DPYD: variants seen among roughly 807,000 people sequenced by gnomAD.
DPYD encodes dihydropyrimidine dehydrogenase [NADP(+)].
DPYD carries 109 observed loss-of-function variants against 116.2 expected under a neutral mutation model. The ratio of observed to expected loss-of-function variants is 0.94; its 90% CI spans 0.80 to 1.10. The LOEUF (loss-of-function observed/expected upper bound fraction) is 1.10, where lower values mean the gene tolerates loss of function less well. Ranked by LOEUF, DPYD falls within the 50% of genes least tolerant of loss-of-function variation. The pLI is 0.00. For synonymous variants in DPYD, 440 were observed against 432.0 expected (o/e 1.02, Z -0.23); for missense variants, 1,302 against 1,254.5 (o/e 1.04, Z -0.57).
At chr1:97,882,108 G>C (rs968789313) in intron 2 of DPYD, among the ~76,000 whole-genome samples, 7 of 151,848 alleles carry the variant, frequency 4.6e-5, no homozygotes, top group East Asian at 3.9e-4. Flanking sequence ...GTCATGGCTT[G>C]TAAGTGGCCT....
intron 4 of DPYD, among the ~76,000 whole-genome samples, chr1:97,724,356 G>A (rs1282764425): frequency 8.7e-6 from 1 of 114,530 alleles, no homozygotes; most frequent in African/African-American, 3.3e-5. Context: ...GTGTGTGTGT[G>A]TGTGTGTGTA....
intron 3 of DPYD, among the ~76,000 whole-genome samples, chr1:97,796,556 A>G (rs1667579930): frequency 6.6e-6 from 1 of 152,098 alleles, no homozygotes; most frequent in Non-Finnish European, 1.5e-5. Context: ...CTTAATGCCA[A>G]TATAAAAAAT....
intron 8 of DPYD, among the ~76,000 whole-genome samples, chr1:97,669,303 T>C (rs1042070848): frequency 2.6e-5 from 4 of 152,082 alleles, no homozygotes; most frequent in African/African-American, 9.7e-5. Context: ...ATTTTAAGAG[T>C]TTATGTTTCT....
intron 12 of DPYD, among the ~76,000 whole-genome samples, chr1:97,539,291 C>T (rs956915227): frequency 5.3e-5 from 8 of 152,074 alleles, no homozygotes; most frequent in African/African-American, 1.9e-4. Context: ...ACGCCTCCTT[C>T]CTTACACTTT....
chr1:97,837,260 C>G (rs1571442748), intron 2 of DPYD, among the ~76,000 whole-genome samples: 2 of 152,188 alleles, frequency 1.3e-5, no homozygotes, highest in South Asian at 4.1e-4. Context: ...TTTCAAGACT[C>G]CATAAACGGG....
At chr1:97,900,225 G>C (rs1373354655) in intron 1 of DPYD, among the ~76,000 whole-genome samples, 1 of 151,902 alleles carries the variant, frequency 6.6e-6, no homozygotes. Context: ...TGGAAAGACA[G>C]AAACCTGTTG....
intron 16 of DPYD, among the ~76,000 whole-genome samples, chr1:97,338,768 A>G (rs1340796095): frequency 1.3e-5 from 2 of 152,000 alleles, no homozygotes; most frequent in Non-Finnish European, 2.9e-5. Context: ...GCACCCACAA[A>G]CCTCCAGTTT....
At chr1:97,309,741 C>T (rs111700582) in intron 16 of DPYD, among the ~76,000 whole-genome samples, 1 of 151,690 alleles carries the variant, frequency 6.6e-6, no homozygotes, top group Admixed American at 6.6e-5. Context: ...AAAGGTAATG[C>T]TGAGGAATGC....
At chr1:97,363,512 T>C (rs192084735) in intron 16 of DPYD, among the ~76,000 whole-genome samples, 2 of 152,356 alleles carry the variant, frequency 1.3e-5, no homozygotes, top group African/African-American at 4.8e-5. Flanking sequence ...CATATGTTTA[T>C]TGTAGCACTA....
At chr1:97,290,520 G>A (rs527311733) in intron 18 of DPYD, among the ~76,000 whole-genome samples, 1 of 152,122 alleles carries the variant, frequency 6.6e-6, no homozygotes, top group East Asian at 1.9e-4. Flanking sequence ...AGAGCCCTCA[G>A]AAATAACACC....
intron 20 of DPYD, among the ~76,000 whole-genome samples, chr1:97,148,556 GT>G (rs982302984): frequency 1.3e-5 from 2 of 152,042 alleles, no homozygotes; most frequent in African/African-American, 4.8e-5. Context: ...GCATTTTGAA[GT>G]TTTTTTCTTT....
intron 8 of DPYD, among the ~76,000 whole-genome samples, chr1:97,670,393 C>G (rs944446262): frequency 6.6e-6 from 1 of 152,112 alleles, no homozygotes; most frequent in Admixed American, 6.6e-5. Flanking sequence ...GAAGGTGGGG[C>G]CCCCATCATG....
chr1:97,474,600 TC>T (rs1467351399), intron 13 of DPYD, among the ~76,000 whole-genome samples: 1 of 151,712 alleles, frequency 6.6e-6, no homozygotes, highest in African/African-American at 2.4e-5. Context: ...AACTTAAGGT[TC>T]AGTTTTTCTG....
intron 13 of DPYD, among the ~76,000 whole-genome samples, chr1:97,508,400 G>C (rs950502390): frequency 6.6e-6 from 1 of 151,952 alleles, no homozygotes; most frequent in Non-Finnish European, 1.5e-5. Flanking sequence ...ACTAGAAAGG[G>C]GGCCAGTGTG....
chr1:97,432,381 A>T (rs1675231094), intron 14 of DPYD, among the ~76,000 whole-genome samples: 1 of 152,112 alleles, frequency 6.6e-6, no homozygotes, highest in Non-Finnish European at 1.5e-5. Context: ...AGCCTGGTCA[A>T]TGAATTCTTC....
chr1:97,258,471 A>G (rs551665150), intron 18 of DPYD, among the ~76,000 whole-genome samples: 1 of 152,246 alleles, frequency 6.6e-6, no homozygotes, highest in South Asian at 2.1e-4. Context: ...CTAGGAGTTC[A>G]TAATTGTGAT....
intron 12 of DPYD, among the ~76,000 whole-genome samples, chr1:97,542,666 A>C (rs1396289815): frequency 6.6e-6 from 1 of 152,142 alleles, no homozygotes; most frequent in Non-Finnish European, 1.5e-5. Context: ...TAAGTATGCT[A>C]TATTGGGCTT....
intron 16 of DPYD, among the ~76,000 whole-genome samples, chr1:97,355,191 A>G (rs1570581960): frequency 6.6e-6 from 1 of 152,250 alleles, no homozygotes; most frequent in East Asian, 1.9e-4. Context: ...TGTATTCTAA[A>G]TCTATCATCT....
At chr1:97,562,993 A>T (rs1361534526) in intron 11 of DPYD, among the ~76,000 whole-genome samples, 2 of 152,188 alleles carry the variant, frequency 1.3e-5, no homozygotes, top group Non-Finnish European at 2.9e-5. Flanking sequence ...TGCTGGGATT[A>T]CAGGCGTGAG....
Sources: allele counts gnomAD v4.1 joint callset (sites outside exome capture counted in the v4.1 genomes callset), GRCh38; gene constraint gnomAD v4.1.1; transcripts MANE v1.5; gene names NCBI Gene and HGNC (gene_info 2026-07-23, HGNC 2026-07-21).